Variants in RABGEF1 observed in about 807,000 individuals in gnomAD.
RABGEF1 encodes the protein RAB guanine nucleotide exchange factor 1.
In RABGEF1, 26 loss-of-function variants were observed where a neutral mutation model predicts 57.3. The observed-to-expected ratio is 0.45, with a 90% CI of 0.33 to 0.63. The LOEUF is 0.63. Ranked by LOEUF, RABGEF1 falls within the 20% of genes least tolerant of loss-of-function variation. RABGEF1 has a pLI of 0.02. For missense variants in RABGEF1, 464 were observed against 607.6 expected, an observed-to-expected ratio of 0.76 and a Z score of 2.48; for synonymous variants, 185 against 210.7, an observed-to-expected ratio of 0.88 and a Z score of 1.06.
intron 1 of RABGEF1, among the ~76,000 whole-genome samples, chr7:66,705,932 G>A: frequency 8.6e-6 from 1 of 115,630 alleles, no homozygotes; most frequent in East Asian, 2.5e-4. Flanking sequence ...GTCTCGCTTT[G>A]TCGCCCAGGC....
upstream of RABGEF1, among the ~76,000 whole-genome samples, chr7:66,678,130 C>G (rs61485167): frequency 1.3e-5 from 2 of 152,096 alleles, no homozygotes; most frequent in African/African-American, 4.8e-5. Flanking sequence ...GTCTCAACAT[C>G]TAATAGCCCA....
chr7:66,725,651 A>T (rs935155382), intron 2 of RABGEF1, among the ~76,000 whole-genome samples: 1 of 152,174 alleles, frequency 6.6e-6, no homozygotes, highest in Non-Finnish European at 1.5e-5. Context: ...GACTCCCCCA[A>T]CTTTATGGAT....
chr7:66,765,940 A>C (rs1249495643), intron 1 of RABGEF1, among the ~76,000 whole-genome samples: 1 of 152,220 alleles, frequency 6.6e-6, no homozygotes. Context: ...TAGTACTATC[A>C]TACTTATAGT....
At chr7:66,744,159 C>T (rs1799648895) in intron 1 of RABGEF1, among the ~76,000 whole-genome samples, 1 of 151,642 alleles carries the variant, frequency 6.6e-6, no homozygotes, top group African/African-American at 2.4e-5. Flanking sequence ...CCTCAGCCTT[C>T]TGAGTAGCTG....
chr7:66,808,982 A>T lies in RABGEF1; in HGVS notation c.1174A>T (p.Arg392Trp). 3.1e-6 allele frequency: 5 copies of T among 1,614,154 alleles called. No homozygotes were observed. Among genetic ancestry groups the T allele is most frequent in the Non-Finnish European group, 4.2e-6 (5 of 1,180,030 alleles). The change falls in exon 9 of 9, where the codon AGG becomes TGG. Residue 392 changes from arginine (R) to tryptophan (W), a missense_variant. Arg to Trp is a moderately radical substitution (Grantham distance 101). Transcript: ENST00000284957. The stretch of plus-strand genomic sequence containing the variant: ...CTACATGTCTGGCCAGACCTCTCCC[A>T]GGAAGCAAGAAGCTGAGAGTTGGTC... Reference protein sequence around the residue: ...DRYMSGQTSPRKQEAESWSPD... With the variant: ...DRYMSGQTSPWKQEAESWSPD...
chr7:66,668,773 TA>T, the RABGEF1 span: 1 of 152,328 alleles, frequency 6.6e-6, no homozygotes, highest in Non-Finnish European at 1.5e-5. Flanking sequence ...GATCACCTCT[TA>T]GGCAGAGCAG....
intron 2 of RABGEF1, among the ~76,000 whole-genome samples, chr7:66,773,097 A>G (rs948370503): frequency 8.9e-5 from 12 of 134,282 alleles, no homozygotes; most frequent in South Asian, 2.6e-4. Flanking sequence ...TTTTTTTTTC[A>G]TCCAGTCAGC....
At chr7:66,675,470 C>T in the RABGEF1 span, among the ~76,000 whole-genome samples, 1 of 151,936 alleles carries the variant, frequency 6.6e-6, no homozygotes, top group Admixed American at 6.6e-5. Context: ...AAAAAACTCC[C>T]CACAGCTAAT....
chr7:66,728,900 C>G (rs368350004), intron 2 of RABGEF1, among the ~76,000 whole-genome samples: 1 of 141,530 alleles, frequency 7.1e-6, no homozygotes, highest in Non-Finnish European at 1.6e-5. Context: ...AAACTCACCT[C>G]CACGCTCACC....
intron 2 of RABGEF1, among the ~76,000 whole-genome samples, chr7:66,727,514 C>G (rs1167853449): frequency 6.6e-6 from 1 of 152,252 alleles, no homozygotes; most frequent in Non-Finnish European, 1.5e-5. Flanking sequence ...CCCCAGGGAT[C>G]TTCCTCCTGC....
intron 4 of RABGEF1, among the ~76,000 whole-genome samples, chr7:66,786,290 TG>T (rs1387675879): frequency 6.6e-6 from 1 of 152,256 alleles, no homozygotes; most frequent in African/African-American, 2.4e-5. Flanking sequence ...TACACTAAGA[TG>T]TTTTTTGTTT....
rs1562826749 is a variant in RABGEF1, at chr7:66,772,925, T to TA, written c.179+850dup. Among the ~76,000 whole-genome samples, 179 of 149,148 alleles carry TA rather than the reference T, an allele frequency of 1.2e-3. 2 individuals carry two copies. The East Asian group carries it at 0.031, about 26-fold the overall frequency. ...AGACTCTGTCTCAAAAAAAAATAAA[T>TA]AAATAAATAAATAAATGATGGGATG... On this transcript the variant is annotated intron_variant, in intron 2 of 8. Transcript: ENST00000284957.
intron 1 of RABGEF1, among the ~76,000 whole-genome samples, chr7:66,771,400 A>G (rs1015595040): frequency 1.3e-5 from 2 of 152,116 alleles, no homozygotes; most frequent in Non-Finnish European, 2.9e-5. Context: ...CAGCCTCCCA[A>G]AGGGCTGGGA....
chr7:66,725,208 T>G (rs796939629), intron 2 of RABGEF1, among the ~76,000 whole-genome samples: 23 of 152,336 alleles, frequency 1.5e-4, no homozygotes, highest in African/African-American at 5.5e-4. Context: ...AGATACACTT[T>G]ACTTTACCAT....
At position 66,798,127 on chromosome 7, in the gene RABGEF1, C is replaced by G. The variant is rs549157427; in HGVS notation, c.728+621C>G. On this transcript the variant is annotated intron_variant, in intron 6 of 8. Transcript: ENST00000284957. ...GCAAGACTCCTTCTCAAAAAAATAA[C>G]AAGTCAGTAGATGTCCTCTTTCCTC... Among the ~76,000 whole-genome samples, 4 of 152,192 alleles carry G rather than the reference C, an allele frequency of 2.6e-5. No individual in the cohort carries two copies. The South Asian group carries it at 8.3e-4, about 32-fold the overall frequency.
intron 2 of RABGEF1, among the ~76,000 whole-genome samples, chr7:66,724,970 C>T (rs1176501315): frequency 6.6e-6 from 1 of 152,118 alleles, no homozygotes; most frequent in Non-Finnish European, 1.5e-5. Flanking sequence ...ATTATGTTTT[C>T]AGCTCTAGAA....
At chr7:66,771,305 ATT>A (rs1807070913) in intron 1 of RABGEF1, among the ~76,000 whole-genome samples, 1 of 151,648 alleles carries the variant, frequency 6.6e-6, no homozygotes, top group African/African-American at 2.4e-5. Context: ...CGCCTGGCTA[ATT>A]TTTTTGTATT....
chr7:66,694,106 G>C (rs1791965784), intron 1 of RABGEF1, among the ~76,000 whole-genome samples: 1 of 152,226 alleles, frequency 6.6e-6, no homozygotes, highest in Non-Finnish European at 1.5e-5. Context: ...ACTGCACCCA[G>C]CCTTGTTCGG....
chr7:66,670,659 A>G, the RABGEF1 span, among the ~76,000 whole-genome samples: 2 of 151,958 alleles, frequency 1.3e-5, no homozygotes, highest in South Asian at 4.1e-4. Flanking sequence ...AGCTCACTAC[A>G]GCATGATGAA....
Sources: gnomAD v4.1 joint callset for allele counts (sites outside exome capture counted in the v4.1 genomes callset) on GRCh38, gnomAD v4.1.1 for gene constraint, MANE v1.5 for transcripts, NCBI Gene and HGNC (gene_info 2026-07-23, HGNC 2026-07-21) for gene names.